The following ACSL6 variants were observed in gnomAD, a reference collection of about 807,000 sequenced individuals.
The protein encoded by ACSL6 is acyl-CoA synthetase long chain family member 6, also known as long-chain-fatty-acid--CoA ligase 6.
In ACSL6, 47 loss-of-function variants were observed where a neutral mutation model predicts 98.2. The observed-to-expected ratio is 0.48, with a 90% CI of 0.38 to 0.61. The LOEUF is 0.61. ACSL6 is among the 20% of genes least tolerant of loss of function. The pLI, the probability that ACSL6 is intolerant of heterozygous loss-of-function variation, is 0.00. For missense variants in ACSL6, 761 were observed against 913.4 expected (o/e 0.83, Z 2.15); for synonymous variants, 362 against 336.9 (o/e 1.07, Z -0.82).
chr5:131,975,033 A>G, intron 10 of ACSL6, 63 bp from the exon 11 acceptor site: 4 of 1,568,126 alleles, frequency 2.6e-6, no homozygotes, highest in East Asian at 2.3e-5. Context: ...CGACAAGAGA[A>G]TCATAAAACA....
Position 131,952,381 on chromosome 5 carries a change from G to A in ACSL6, c.*1853C>T, listed in dbSNP as rs1053626737. The A allele has an allele frequency of 4.9e-6, 1 of 205,582 alleles. No individual in the cohort carries two copies. Among genetic ancestry groups the A allele is most frequent in the Non-Finnish European group, 9.9e-6 (1 of 100,656 alleles). The allele number at this position is 205,582 out of a possible 1,614,324, so 12.7% of individuals were successfully genotyped here. A position where few individuals can be genotyped will look rare whatever the true frequency, so the allele number is the denominator to read the frequency against. Reference sequence around the variant, plus strand: ...TGAAACAGTGATTCACTTTTGACAAGACTGAAATATAAGTATATAATCACT... The same window carrying A: ...TGAAACAGTGATTCACTTTTGACAAAACTGAAATATAAGTATATAATCACT... On this transcript the variant is annotated 3_prime_UTR_variant, in exon 21 of 21. Coordinates refer to ENST00000651883, the MANE Select transcript of ACSL6 (RefSeq NM_001009185.3).
chr5:132,012,112 T>C, upstream of ACSL6: 3 of 661,008 alleles, frequency 4.5e-6, no homozygotes, highest in South Asian at 6.6e-5. Context: ...TGCACACTCC[T>C]GTGGGCTGTT....
chr5:131,966,620 G>A lies in ACSL6; in HGVS notation c.1597-88C>T, dbSNP rs987427573. On this transcript the variant is annotated intron_variant, in intron 16 of 20. Transcript: ENST00000651883. ...GTCACCAGGCATACGGAGATAAGGT[G>A]CACTACCCATCAGGAAAGCCACTGT... 8 of 1,152,192 alleles carry A rather than the reference G, an allele frequency of 6.9e-6. No homozygotes were observed. The African/African-American group carries it at 7.6e-5, about 11-fold the overall frequency. The allele number at this position is 1,152,192 out of a possible 1,614,324, so 71.4% of individuals were successfully genotyped here. A position where few individuals can be genotyped will look rare whatever the true frequency, so the allele number is the denominator to read the frequency against.
At chr5:131,969,101 C>T (rs1428453278) in intron 15 of ACSL6, among the ~76,000 whole-genome samples, 2 of 152,206 alleles carry the variant, frequency 1.3e-5, no homozygotes, top group African/African-American at 4.8e-5. Flanking sequence ...TTGCTGAAAA[C>T]CACTCAGCAA....
intron 18 of ACSL6, 48 bp downstream of exon 18, chr5:131,962,487 T>C: frequency 6.4e-7 from 1 of 1,550,646 alleles, no homozygotes; most frequent in South Asian, 1.2e-5. Context: ...ATCTGGGTTT[T>C]TCAGCATGCC....
chr5:131,992,069 G>A (rs1229596384), intron 2 of ACSL6, among the ~76,000 whole-genome samples: 1 of 152,230 alleles, frequency 6.6e-6, no homozygotes, highest in East Asian at 1.9e-4. Context: ...TTATCGATCA[G>A]CTGCCAAGCT....
intron 9 of ACSL6, among the ~76,000 whole-genome samples, chr5:131,977,688 TA>T (rs1444565471): frequency 6.6e-6 from 1 of 152,194 alleles, no homozygotes; most frequent in Non-Finnish European, 1.5e-5. Flanking sequence ...AGGCAGCAGA[TA>T]CAATAGCTGC....
At chr5:131,962,448 C>T (rs1008958372) in intron 18 of ACSL6, 87 bp downstream of exon 18, 2 of 1,446,854 alleles carry the variant, frequency 1.4e-6, no homozygotes, top group African/African-American at 1.4e-5. Flanking sequence ...GGAGGAGAAT[C>T]CTGGTGCCTG....
chr5:132,003,946 G>A (rs1174571655), intron 1 of ACSL6: 1 of 152,210 alleles, frequency 6.6e-6, no homozygotes, highest in African/African-American at 2.4e-5. Flanking sequence ...GGAAACTTCA[G>A]TTATTCTCAC....
intron 17 of ACSL6, among the ~76,000 whole-genome samples, chr5:131,965,180 A>T (rs894516626): frequency 2.0e-5 from 3 of 152,172 alleles, no homozygotes; most frequent in Non-Finnish European, 4.4e-5. Context: ...CACGTGCCTC[A>T]TTAACTCAAC....
chr5:131,987,696 T>C (rs549370050), intron 7 of ACSL6, among the ~76,000 whole-genome samples: 26 of 152,344 alleles, frequency 1.7e-4, no homozygotes, highest in African/African-American at 5.8e-4. Context: ...CTCCTGGACC[T>C]ATGTCTGTAG....
At chr5:131,995,464 T>C (rs1253100152) in intron 1 of ACSL6, among the ~76,000 whole-genome samples, 2 of 152,082 alleles carry the variant, frequency 1.3e-5, no homozygotes, top group Non-Finnish European at 1.5e-5. Flanking sequence ...AGCCCAGTGA[T>C]GGCAGGGTGG....
chr5:132,005,551 G>A (rs879160406), intron 1 of ACSL6, among the ~76,000 whole-genome samples: 1 of 152,234 alleles, frequency 6.6e-6, no homozygotes, highest in Non-Finnish European at 1.5e-5. Context: ...GCCTCTAGCT[G>A]CCCTTTCTAT....
intron 20 of ACSL6, among the ~76,000 whole-genome samples, chr5:131,957,159 A>T (rs1283587524): frequency 6.6e-6 from 1 of 152,220 alleles, no homozygotes; most frequent in Non-Finnish European, 1.5e-5. Flanking sequence ...CAGAGTGAAT[A>T]ATTTAGAACA....
intron 1 of ACSL6, among the ~76,000 whole-genome samples, chr5:132,000,906 C>A (rs1054941489): frequency 6.6e-6 from 1 of 152,176 alleles, no homozygotes; most frequent in African/African-American, 2.4e-5. Flanking sequence ...CAACACCTTC[C>A]CTGGAGCAGA....
intron 1 of ACSL6, among the ~76,000 whole-genome samples, chr5:132,003,093 A>AG (rs1317686037): frequency 8.5e-5 from 13 of 152,224 alleles, no homozygotes; most frequent in Non-Finnish European, 1.6e-4. Flanking sequence ...GAGCAAGACA[A>AG]AAAGAGTTTT....
At chr5:131,985,000 C>A in intron 9 of ACSL6, 1 of 236,950 alleles carries the variant, frequency 4.2e-6, no homozygotes, top group East Asian at 8.7e-5. Flanking sequence ...GGACTCAAAC[C>A]AAGGCTCTCA....
At chr5:131,956,223 A>C (rs549220470) in intron 20 of ACSL6, among the ~76,000 whole-genome samples, 1 of 152,224 alleles carries the variant, frequency 6.6e-6, no homozygotes, top group Non-Finnish European at 1.5e-5. Flanking sequence ...TTATAAGGAG[A>C]GGTATATAAT....
chr5:132,002,506 TG>T (rs1755142214), intron 1 of ACSL6, among the ~76,000 whole-genome samples: 1 of 151,626 alleles, frequency 6.6e-6, no homozygotes, highest in Non-Finnish European at 1.5e-5. Context: ...AATATATGGT[TG>T]GGGGTCACTG....
Sources: gnomAD v4.1 joint callset for allele counts (sites outside exome capture counted in the v4.1 genomes callset) on GRCh38, gnomAD v4.1.1 for gene constraint, MANE v1.5 for transcripts, NCBI Gene and HGNC (gene_info 2026-07-23, HGNC 2026-07-21) for gene names.